The following TXNRD2 variants were observed in gnomAD, a reference collection of about 807,000 sequenced individuals.
TXNRD2 encodes thioredoxin reductase 2, mitochondrial.
In TXNRD2, 67 loss-of-function variants were observed where a neutral mutation model predicts 70.8. The ratio of observed to expected loss-of-function variants is 0.95; its 90% confidence interval spans 0.78 to 1.16. The LOEUF is 1.16. Among genes scored for constraint, TXNRD2 ranks in the 50% most tolerant of loss-of-function variants. The pLI is 0.00. For synonymous variants in TXNRD2, 301 were observed against 295.8 expected, an observed-to-expected ratio of 1.02 and a Z score of -0.18; for missense variants, 644 against 719.9, an observed-to-expected ratio of 0.89 and a Z score of 1.21.
chr22:19,902,544 C>T (rs976686053), intron 8 of TXNRD2, among the ~76,000 whole-genome samples: 1 of 152,174 alleles, frequency 6.6e-6, no homozygotes, highest in African/African-American at 2.4e-5. Flanking sequence ...CTGCAGATGC[C>T]CCAGGGAGGC....
Position 19,895,470 on chromosome 22 carries a change from A to G in TXNRD2, c.886T>C (p.Trp296Arg). ...RLPDGQLQVT[W>R]EDSTTGKEDT... ...TCCTTGCCGGTGGTGCTGTCCTCCC[A>G]GGTGACCTGCAGCTGGCCATCAGGG... The change falls in exon 11 of 18, where the codon TGG becomes CGG. Residue 296 changes from tryptophan to arginine, a missense_variant. Coordinates refer to ENST00000400521, the MANE Select transcript of TXNRD2 (RefSeq NM_006440.5). 1 of 1,613,928 alleles carries G rather than the reference A, an allele frequency of 6.2e-7. No homozygotes were observed. Among genetic ancestry groups the G allele is most frequent in the Non-Finnish European group, 8.5e-7 (1 of 1,179,996 alleles).
chr22:19,914,071 C>T (rs1192731461), intron 7 of TXNRD2, among the ~76,000 whole-genome samples: 1 of 152,162 alleles, frequency 6.6e-6, no homozygotes, highest in East Asian at 1.9e-4. Flanking sequence ...TTGAAATGTT[C>T]AGCTTTCAAT....
intron 11 of TXNRD2, among the ~76,000 whole-genome samples, chr22:19,892,691 G>A (rs1376739396): frequency 6.6e-6 from 1 of 152,204 alleles, no homozygotes; most frequent in African/African-American, 2.4e-5. Flanking sequence ...CCCTTATGCT[G>A]TGGGTGAACG....
chr22:19,905,312 A>G (rs1939959941), intron 8 of TXNRD2, among the ~76,000 whole-genome samples: 1 of 152,226 alleles, frequency 6.6e-6, no homozygotes, highest in Non-Finnish European at 1.5e-5. Context: ...CTTCTAAACG[A>G]AAGAGCTTTA....
At chr22:19,930,122 CG>C (rs1304610007) in intron 2 of TXNRD2, among the ~76,000 whole-genome samples, 1 of 152,166 alleles carries the variant, frequency 6.6e-6, no homozygotes, top group African/African-American at 2.4e-5. Context: ...GGTGCCTCTG[CG>C]GATCCCCAAT....
rs985488024 is a variant in TXNRD2, at chr22:19,914,970, C to T, written c.591+244G>A. ...CTGGTGTGGAAGGGGACAGATCCAG[C>T]GGGGCAGGGGGAGAGCAGAACGAGA... is the stretch of plus-strand genomic sequence containing the variant. On this transcript the variant is annotated intron_variant, in intron 7 of 17. Transcript: ENST00000400521. The T allele has an allele frequency of 9.7e-5, 50 of 514,418 alleles. 1 individual carries two copies. Among genetic ancestry groups the T allele is most frequent in the South Asian group, 8.7e-4 (44 of 50,540 alleles). 31.9% of individuals were successfully genotyped at this position (514,418 alleles called of 1,614,324 possible).
intron 8 of TXNRD2, 147 bp downstream of exon 8, chr22:19,911,230 C>T (rs1356126670): frequency 2.7e-6 from 2 of 728,656 alleles, no homozygotes; most frequent in Admixed American, 4.0e-5. Context: ...GCCACCACAC[C>T]TGGCCACAAA....
intron 12 of TXNRD2, chr22:19,881,183 C>G: frequency 2.5e-6 from 1 of 407,106 alleles, no homozygotes; most frequent in African/African-American, 2.0e-5. Context: ...TAACAAATTC[C>G]AAATCAGAAT....
rs768316485 is a variant in TXNRD2 at position 19,877,186 on chromosome 22, G to A, written c.1494C>T (p.Pro498=). The change falls in exon 17 of 18, where the codon CCC becomes CCT. Residue 498 remains proline (P), a synonymous_variant. Transcript: ENST00000400521. ...AQVMRTVGIH[P]TCSEEVVKLR... ...GCTTGACTACCTCCTCAGAGCATGT[G>A]GGATGGATACCCACGGTCCGCATCA... is the stretch of plus-strand genomic sequence containing the variant. 6.2e-7 allele frequency: 1 copy of A among 1,611,888 alleles called. No homozygotes were observed. The highest frequency in any genetic ancestry group is 2.2e-5 in the East Asian group (1 of 44,826).
At chr22:19,907,076 C>T (rs1451297297) in intron 8 of TXNRD2, among the ~76,000 whole-genome samples, 1 of 83,936 alleles carries the variant, frequency 1.2e-5, no homozygotes, top group Non-Finnish European at 2.3e-5. Flanking sequence ...ATAGCAGTGA[C>T]GGCTCTCAGG....
At chr22:19,906,928 G>C (rs1463341790) in intron 8 of TXNRD2, among the ~76,000 whole-genome samples, 1 of 118,018 alleles carries the variant, frequency 8.5e-6, no homozygotes, top group Non-Finnish European at 1.7e-5. Context: ...CGGCTCTCAG[G>C]AGAGTGTGGG....
chr22:19,896,247 G>A (rs1191213476), intron 10 of TXNRD2, among the ~76,000 whole-genome samples: 17 of 151,606 alleles, frequency 1.1e-4, no homozygotes, highest in Non-Finnish European at 2.2e-4. Context: ...GCAGTGAGCC[G>A]AGATTGTGCC....
intron 1 of TXNRD2, chr22:19,932,438 T>C (rs1193546921): frequency 6.2e-7 from 1 of 1,610,538 alleles, no homozygotes; most frequent in African/African-American, 1.3e-5. Flanking sequence ...GTGTCTACTC[T>C]GCAAGCTACT....
intron 11 of TXNRD2, 64 bp downstream of exon 11, chr22:19,895,343 G>A (rs535593078): frequency 2.5e-5 from 41 of 1,609,196 alleles, no homozygotes; most frequent in Non-Finnish European, 3.2e-5. Context: ...AGGAAGTGGG[G>A]CAAAGATTCT....
intron 11 of TXNRD2, 170 bp downstream of exon 11, chr22:19,895,237 G>T: frequency 6.3e-7 from 1 of 1,595,424 alleles, no homozygotes; most frequent in Non-Finnish European, 8.5e-7. Flanking sequence ...TAGTGTGAGT[G>T]CCGCCCCACA....
chr22:19,890,993 G>C (rs952267328), intron 11 of TXNRD2, among the ~76,000 whole-genome samples: 1 of 152,168 alleles, frequency 6.6e-6, no homozygotes, highest in Non-Finnish European at 1.5e-5. Flanking sequence ...CGTGCCACGT[G>C]GGGGAGACTA....
chr22:19,904,532 C>T (rs1008399111), intron 8 of TXNRD2, among the ~76,000 whole-genome samples: 1 of 152,294 alleles, frequency 6.6e-6, no homozygotes, highest in Admixed American at 6.5e-5. Flanking sequence ...TGGCATGGTA[C>T]GACCTTGCAG....
In TXNRD2 at chr22:19,915,745, C is replaced by T. The variant is rs780796023; in HGVS notation, c.528+20G>A. On this transcript the variant is annotated intron_variant, in intron 6 of 17. Transcript: ENST00000400521. Reference sequence around the variant, plus strand: ...GCAGAAGGGTCCACAAGGAGCCACGCGAGTAAGTCAGATGCTCACCTCTTT... The same window carrying T: ...GCAGAAGGGTCCACAAGGAGCCACGTGAGTAAGTCAGATGCTCACCTCTTT... 1.1e-5 allele frequency: 18 copies of T among 1,613,492 alleles called. 1 individual carries two copies. Among genetic ancestry groups the T allele is most frequent in the Admixed American group, 3.3e-5 (2 of 60,014 alleles).
intron 7 of TXNRD2, among the ~76,000 whole-genome samples, chr22:19,914,670 T>C (rs1940556392): frequency 6.6e-6 from 1 of 151,912 alleles, no homozygotes; most frequent in Non-Finnish European, 1.5e-5. Flanking sequence ...TAGGGTTTAA[T>C]GGGAATAGTT....
Sources: gnomAD v4.1 joint callset for allele counts (sites outside exome capture counted in the v4.1 genomes callset) on GRCh38, gnomAD v4.1.1 for gene constraint, MANE v1.5 for transcripts, NCBI Gene and HGNC (gene_info 2026-07-23, HGNC 2026-07-21) for gene names.